TENM4: variants seen among roughly 807,000 people sequenced by gnomAD.
TENM4 encodes teneurin transmembrane protein 4, also known as teneurin-4.
Under a neutral mutation model 243.3 loss-of-function variants are expected in TENM4, and 82 were observed. The ratio of observed to expected loss-of-function variants is 0.34; its 90% CI spans 0.28 to 0.40. TENM4 has a LOEUF of 0.40. TENM4 is among the 10% of genes least tolerant of loss of function. The pLI is 1.00. For missense variants in TENM4, 3,138 were observed against 3,673.3 expected (o/e 0.85, Z 3.77); for synonymous variants, 1,412 against 1,456.3 (o/e 0.97, Z 0.69).
intron 2 of TENM4, among the ~76,000 whole-genome samples, chr11:79,282,521 T>G (rs497040): frequency 0.33 from 49,935 of 152,076 alleles, 8,288 homozygotes; most frequent in East Asian, 0.52. Flanking sequence ...CTCATACTCT[T>G]GCTTCTCTGT....
At chr11:79,234,117 C>G (rs1217331371) in intron 2 of TENM4, among the ~76,000 whole-genome samples, 1 of 152,198 alleles carries the variant, frequency 6.6e-6, no homozygotes. Flanking sequence ...ACTTGTTTCC[C>G]TATCTGTAAA....
chr11:78,658,834 T>TGA lies in TENM4; in HGVS notation c.7552-20_7552-19dup, dbSNP rs747215204. The TGA allele has an allele frequency of 4.4e-6, 7 of 1,597,550 alleles. No individual in the cohort carries two copies. In the East Asian group the frequency reaches 6.7e-5, roughly 15 times the overall value. ...AGGATAGACTGATGGGGGAGGAGAG[T>TGA]GAGAGAGAGAGTAAGACAAAGGGGA... On this transcript the variant is annotated intron_variant, in intron 33 of 33. Transcript: ENST00000278550.
chr11:78,657,076 C>A lies in TENM4; in HGVS notation c.*982G>T, dbSNP rs898582283. On this transcript the variant is annotated 3_prime_UTR_variant, in exon 34 of 34. Transcript: ENST00000278550. ...GGAAGGCAGGCTGGTGCCCTCGCCA[C>A]CACTGCCATGCCTTTGCCATGGGTG... is the stretch of plus-strand genomic sequence containing the variant. 2.8e-5 allele frequency: 11 copies of A among 398,572 alleles called. No homozygotes were observed. Among genetic ancestry groups the A allele is most frequent in the Admixed American group, 4.4e-5 (1 of 22,712 alleles). The allele number at this position is 398,572 out of a possible 1,614,324, so 24.7% of individuals were successfully genotyped here. A position where few individuals can be genotyped will look rare whatever the true frequency, so the allele number is the denominator to read the frequency against.
chr11:79,229,442 G>T (rs1008383446), intron 2 of TENM4, among the ~76,000 whole-genome samples: 1 of 152,016 alleles, frequency 6.6e-6, no homozygotes, highest in African/African-American at 2.4e-5. Flanking sequence ...CTATACTTTT[G>T]CTGTTTCTTC....
chr11:79,219,998 C>T (rs548803300), intron 2 of TENM4, among the ~76,000 whole-genome samples: 2 of 152,346 alleles, frequency 1.3e-5, no homozygotes, highest in South Asian at 4.1e-4. Flanking sequence ...TTTTGTCTTT[C>T]CCTTCTCGGC....
intron 15 of TENM4, among the ~76,000 whole-genome samples, chr11:78,796,516 G>A (rs17137165): frequency 0.024 from 3,671 of 152,156 alleles, 141 homozygotes; most frequent in African/African-American, 0.078. Context: ...TCAGTCATAA[G>A]CTCATCTATC....
intron 6 of TENM4, among the ~76,000 whole-genome samples, chr11:78,947,144 T>C (rs575093671): frequency 1.3e-5 from 2 of 152,208 alleles, no homozygotes; most frequent in Non-Finnish European, 2.9e-5. Context: ...AATCGATACA[T>C]GAGGCAAACT....
chr11:79,137,595 G>A (rs1008807974), intron 4 of TENM4, among the ~76,000 whole-genome samples: 6 of 152,178 alleles, frequency 3.9e-5, no homozygotes, highest in Admixed American at 1.3e-4. Flanking sequence ...ACCAGCTGCC[G>A]AAATGAGGAC....
At chr11:78,789,945 T>A (rs1234205061) in intron 15 of TENM4, among the ~76,000 whole-genome samples, 4 of 152,228 alleles carry the variant, frequency 2.6e-5, no homozygotes. Flanking sequence ...AGCTTCCTTT[T>A]CTTCCTCTGC....
rs536881032 is a variant in TENM4, at chr11:79,401,934, G to A, written c.-321+38575C>T. ...TCAGGAGACAATTCAGGCCTAGAGG[G>A]TCCTCAGGTGGTGGTTGACGCCATG... is the stretch of plus-strand genomic sequence containing the variant. On this transcript the variant is annotated intron_variant, in intron 1 of 33. Transcript: ENST00000278550. 3.2e-5 allele frequency: 9 copies of A among 284,108 alleles called. No homozygotes were observed. In the East Asian group the frequency reaches 8.3e-4, roughly 26 times the overall value. 17.6% of individuals were successfully genotyped at this position (284,108 alleles called of 1,614,324 possible).
intron 2 of TENM4, among the ~76,000 whole-genome samples, chr11:79,224,131 G>T (rs1004442949): frequency 5.3e-5 from 8 of 152,196 alleles, no homozygotes; most frequent in African/African-American, 1.4e-4. Flanking sequence ...GATGTGGAGT[G>T]TAAGACAGGA....
intron 3 of TENM4, among the ~76,000 whole-genome samples, chr11:79,192,762 TA>T (rs199995640): frequency 0.15 from 21,573 of 148,778 alleles, 2,747 homozygotes; most frequent in East Asian, 0.41. Flanking sequence ...AAAATAAAAT[TA>T]AAAAAAAAAA....
intron 2 of TENM4, among the ~76,000 whole-genome samples, chr11:79,216,955 G>C (rs796408669): frequency 3.9e-5 from 6 of 152,230 alleles, no homozygotes; most frequent in African/African-American, 1.4e-4. Flanking sequence ...GAAGAGTCCT[G>C]GTTCTGGCCC....
intron 9 of TENM4, among the ~76,000 whole-genome samples, chr11:78,877,516 A>G (rs1485750050): frequency 2.0e-5 from 3 of 152,206 alleles, no homozygotes; most frequent in Non-Finnish European, 4.4e-5. Context: ...CTTTCCAAGA[A>G]GGCTAAAAAT....
At chr11:78,712,935 G>C (rs779981010) in intron 25 of TENM4, among the ~76,000 whole-genome samples, 2 of 133,194 alleles carry the variant, frequency 1.5e-5, no homozygotes, top group African/African-American at 7.7e-5. Flanking sequence ...TGCAATTCTT[G>C]CAAGAACCCC....
chr11:79,337,420 G>A (rs1857165204), intron 1 of TENM4, among the ~76,000 whole-genome samples: 7 of 152,186 alleles, frequency 4.6e-5, no homozygotes, highest in Admixed American at 3.3e-4. Flanking sequence ...TCCCTTGGAA[G>A]GTCCAACCTT....
intron 20 of TENM4, 45 bp from the exon 21 acceptor site, chr11:78,732,622 GCAGGAAC>G: frequency 1.3e-6 from 2 of 1,542,094 alleles, no homozygotes; most frequent in Non-Finnish European, 1.8e-6. Context: ...AGCAGGAAGA[GCAGGAAC>G]CAGGATGAGA....
At chr11:78,782,193 T>C (rs1462455181) in intron 16 of TENM4, among the ~76,000 whole-genome samples, 1 of 151,520 alleles carries the variant, frequency 6.6e-6, no homozygotes, top group Non-Finnish European at 1.5e-5. Context: ...GTGTGGTGGC[T>C]CGTGCCTGTA....
chr11:78,814,541 C>A, intron 12 of TENM4, 146 bp from the exon 13 acceptor site: 1 of 667,056 alleles, frequency 1.5e-6, no homozygotes, highest in Non-Finnish European at 2.6e-6. Flanking sequence ...AGTTAAAATT[C>A]TATGTTATTT....
Sources: gnomAD v4.1 joint callset for allele counts (sites outside exome capture counted in the v4.1 genomes callset) on GRCh38, gnomAD v4.1.1 for gene constraint, MANE v1.5 for transcripts, NCBI Gene and HGNC (gene_info 2026-07-23, HGNC 2026-07-21) for gene names.